HS3ST4: variants seen among roughly 807,000 people sequenced by gnomAD.
HS3ST4 encodes heparan sulfate-glucosamine 3-sulfotransferase 4, also known as heparan sulfate glucosamine 3-O-sulfotransferase 4.
A neutral mutation model predicts 29.2 loss-of-function variants in HS3ST4; 17 were observed. The ratio of observed to expected loss-of-function variants is 0.58; its 90% CI spans 0.40 to 0.87. HS3ST4 has a LOEUF of 0.87. Among genes scored for constraint, HS3ST4 ranks in the 40% least tolerant of loss-of-function variants. The pLI is 0.00. For missense variants in HS3ST4, 627 were observed against 634.5 expected (o/e 0.99, Z 0.13); for synonymous variants, 314 against 285.7 (o/e 1.10, Z -1.00).
chr16:26,107,967 G>A (rs113605892), intron 1 of HS3ST4, among the ~76,000 whole-genome samples: 3,685 of 152,070 alleles, frequency 0.024, 79 homozygotes, highest in Non-Finnish European at 0.034. Context: ...AGAAATCTCC[G>A]CACTGTGGAA....
intron 1 of HS3ST4, among the ~76,000 whole-genome samples, chr16:25,763,405 C>A (rs1364755955): frequency 2.0e-5 from 3 of 152,152 alleles, no homozygotes; most frequent in African/African-American, 7.2e-5. Context: ...ATGGGGTTTG[C>A]AAAAGTAAAC....
At chr16:25,945,383 T>C (rs550569315) in intron 1 of HS3ST4, among the ~76,000 whole-genome samples, 1 of 152,314 alleles carries the variant, frequency 6.6e-6, no homozygotes, top group Non-Finnish European at 1.5e-5. Context: ...ACACCAGAGT[T>C]TGTTTAGTCA....
At chr16:26,013,447 G>C (rs544525436) in intron 1 of HS3ST4, among the ~76,000 whole-genome samples, 98 of 152,160 alleles carry the variant, frequency 6.4e-4, no homozygotes, top group African/African-American at 2.1e-3. Context: ...TAAAATATAT[G>C]GTCAGCACAC....
intron 1 of HS3ST4, among the ~76,000 whole-genome samples, chr16:26,009,125 C>G (rs941781615): frequency 1.2e-4 from 18 of 152,128 alleles, no homozygotes; most frequent in Non-Finnish European, 2.1e-4. Context: ...TTCCCCAAAC[C>G]CTTTGCTTAA....
chr16:26,090,624 C>A (rs567307397), intron 1 of HS3ST4, among the ~76,000 whole-genome samples: 4 of 152,120 alleles, frequency 2.6e-5, no homozygotes, highest in Admixed American at 6.6e-5. Flanking sequence ...CACAGCAGCC[C>A]TCCCCTTGGA....
chr16:26,074,817 T>C (rs1475937030), intron 1 of HS3ST4, among the ~76,000 whole-genome samples: 1 of 152,210 alleles, frequency 6.6e-6, no homozygotes, highest in African/African-American at 2.4e-5. Context: ...TGAATGCACA[T>C]GCCCCGACTC....
At chr16:25,728,062 T>C (rs755824391) in intron 1 of HS3ST4, among the ~76,000 whole-genome samples, 6 of 152,162 alleles carry the variant, frequency 3.9e-5, no homozygotes, top group Non-Finnish European at 5.9e-5. Context: ...AGTGCAGTGG[T>C]GCCATCTCGG....
chr16:26,053,953 C>G (rs532062909), intron 1 of HS3ST4, among the ~76,000 whole-genome samples: 2 of 152,184 alleles, frequency 1.3e-5, no homozygotes, highest in Non-Finnish European at 2.9e-5. Flanking sequence ...GGGATCTACA[C>G]CAGGGGAGGC....
intron 1 of HS3ST4, among the ~76,000 whole-genome samples, chr16:25,935,912 A>AAT (rs68050521): frequency 8.5e-4 from 28 of 33,100 alleles, no homozygotes; most frequent in African/African-American, 3.4e-3. Flanking sequence ...GAGATACTAG[A>AAT]CTTTTTTTTA....
intron 1 of HS3ST4, among the ~76,000 whole-genome samples, chr16:26,092,195 C>T (rs889162346): frequency 2.0e-5 from 3 of 152,230 alleles, no homozygotes; most frequent in Admixed American, 6.5e-5. Context: ...GTCTTTGGCT[C>T]ATCCCTAACC....
intron 1 of HS3ST4, among the ~76,000 whole-genome samples, chr16:26,009,665 C>T (rs912771853): frequency 2.0e-4 from 30 of 152,194 alleles, no homozygotes; most frequent in African/African-American, 6.5e-4. Context: ...CGAAGGAAAA[C>T]GGCCAGTTGT....
At chr16:26,093,301 C>T (rs1006635431) in intron 1 of HS3ST4, among the ~76,000 whole-genome samples, 6 of 147,422 alleles carry the variant, frequency 4.1e-5, no homozygotes, top group Admixed American at 3.4e-4. Context: ...GGGTCCCTGA[C>T]CCCTGTGTAG....
At chr16:26,105,040 C>G (rs1442976692) in intron 1 of HS3ST4, among the ~76,000 whole-genome samples, 1 of 152,170 alleles carries the variant, frequency 6.6e-6, no homozygotes, top group Non-Finnish European at 1.5e-5. Flanking sequence ...CTTCTTCAAG[C>G]CTTATCCCCC....
At chr16:25,768,980 C>T (rs1163983794) in intron 1 of HS3ST4, among the ~76,000 whole-genome samples, 2 of 152,062 alleles carry the variant, frequency 1.3e-5, no homozygotes, top group Non-Finnish European at 2.9e-5. Flanking sequence ...ACCTTTGGTC[C>T]ACTCCACTCA....
rs553292218 is a variant in HS3ST4, at chr16:25,696,483, T to C, written c.734+3332T>C. On this transcript the variant is annotated intron_variant, in intron 1 of 1. Transcript: ENST00000331351. ...TCAGCCCCAGGGCAATGGGAAGTGA[T>C]TGTCCATGGTTTGTTTGTTTTTTTT... 2.7e-5 allele frequency among the ~76,000 whole-genome samples: 4 copies of C among 145,708 alleles called. No individual in the cohort carries two copies. In the Admixed American group the frequency reaches 2.9e-4, roughly 11 times the overall value.
intron 1 of HS3ST4, among the ~76,000 whole-genome samples, chr16:25,786,927 A>C (rs147471024): frequency 4.6e-5 from 7 of 152,222 alleles, no homozygotes; most frequent in African/African-American, 1.7e-4. Context: ...TGAACAGCAG[A>C]TTCTCATGGG....
chr16:25,736,556 A>G (rs1042473687), intron 1 of HS3ST4, among the ~76,000 whole-genome samples: 10 of 152,246 alleles, frequency 6.6e-5, no homozygotes, highest in Non-Finnish European at 1.3e-4. Flanking sequence ...ATGACAATAC[A>G]TTTACATTTA....
chr16:25,959,032 A>G (rs1291546225), intron 1 of HS3ST4, among the ~76,000 whole-genome samples: 1 of 152,242 alleles, frequency 6.6e-6, no homozygotes, highest in Non-Finnish European at 1.5e-5. Context: ...AAGAGGTTTA[A>G]TCATAAGGTC....
intron 1 of HS3ST4, among the ~76,000 whole-genome samples, chr16:25,751,578 T>G (rs2141602053): frequency 6.6e-6 from 1 of 152,278 alleles, no homozygotes; most frequent in Middle Eastern, 3.4e-3. Context: ...CTTTCAGGAG[T>G]TTGAAATGTC....
Sources: allele counts gnomAD v4.1 joint callset (sites outside exome capture counted in the v4.1 genomes callset), GRCh38; gene constraint gnomAD v4.1.1; transcripts MANE v1.5; gene names NCBI Gene and HGNC (gene_info 2026-07-23, HGNC 2026-07-21).